Variants in SRPRB observed in about 807,000 individuals in gnomAD.
SRPRB encodes signal recognition particle receptor subunit beta.
A neutral mutation model predicts 31.9 loss-of-function variants in SRPRB; 20 were observed. The observed-to-expected ratio is 0.63, with a 90% CI of 0.44 to 0.91. The LOEUF (loss-of-function observed/expected upper bound fraction) is 0.91. Ranked by LOEUF, SRPRB falls within the 40% of genes least tolerant of loss-of-function variation. SRPRB has a pLI of 0.00. For missense variants in SRPRB, 321 were observed against 324.9 expected, an observed-to-expected ratio of 0.99 and a Z score of 0.09; for synonymous variants, 146 against 132.8, an observed-to-expected ratio of 1.10 and a Z score of -0.68.
intron 3 of SRPRB, chr3:133,810,272 A>AGGATACT (rs1359412875): frequency 3.3e-5 from 5 of 152,376 alleles, no homozygotes; most frequent in African/African-American, 1.2e-4. Context: ...AAATCTGTGC[A>AGGATACT]GGATACTGAT....
At position 133,818,281 on chromosome 3, in the gene SRPRB, G is replaced by A. The variant is rs147428617; in HGVS notation, c.603-1272G>A. On this transcript the variant is annotated intron_variant, in intron 6 of 6. Coordinates refer to ENST00000678299, the MANE Select transcript of SRPRB (RefSeq NM_001379313.1). Reference sequence around the variant, plus strand: ...TTTAACAGTACAGTCCAAGTCTCCCGTGGTTAAAACACATGTTTTCCATAG... The same window carrying A: ...TTTAACAGTACAGTCCAAGTCTCCCATGGTTAAAACACATGTTTTCCATAG... 2.7e-4 allele frequency among the ~76,000 whole-genome samples: 41 copies of A among 152,262 alleles called. No homozygotes were observed. The East Asian group carries it at 5.2e-3, about 19-fold the overall frequency.
chr3:133,796,802 T>C (rs1377026333), intron 1 of SRPRB, among the ~76,000 whole-genome samples: 1 of 152,238 alleles, frequency 6.6e-6, no homozygotes, highest in Non-Finnish European at 1.5e-5. Flanking sequence ...GCACACAGTA[T>C]GTTAAAAGTA....
intron 5 of SRPRB, among the ~76,000 whole-genome samples, chr3:133,816,197 C>G (rs932727118): frequency 6.6e-6 from 1 of 152,170 alleles, no homozygotes; most frequent in Non-Finnish European, 1.5e-5. Context: ...GTTCCGTTAC[C>G]TGTACAATAA....
intron 1 of SRPRB, chr3:133,789,228 C>T (rs538821601): frequency 2.2e-4 from 33 of 152,450 alleles, no homozygotes; most frequent in African/African-American, 7.5e-4. Context: ...CTGTTTGGCC[C>T]CAATATGGTT....
intron 6 of SRPRB, 57 bp from the exon 7 acceptor site, chr3:133,819,496 T>C (rs1399845771): frequency 6.6e-6 from 10 of 1,504,000 alleles, no homozygotes; most frequent in East Asian, 2.3e-5. Context: ...GAAACTAATA[T>C]GATTTAATTG....
At chr3:133,813,899 C>T (rs1391250489) in intron 4 of SRPRB, among the ~76,000 whole-genome samples, 1 of 152,184 alleles carries the variant, frequency 6.6e-6, no homozygotes, top group Non-Finnish European at 1.5e-5. Flanking sequence ...AAGCCTTTCC[C>T]CTTGGGGGTC....
downstream of SRPRB, chr3:133,827,834 G>C: frequency 3.6e-6 from 2 of 561,034 alleles, no homozygotes; most frequent in Non-Finnish European, 6.6e-6. Flanking sequence ...CTTCAGGATG[G>C]CACACTGCCC....
intron 3 of SRPRB, among the ~76,000 whole-genome samples, chr3:133,808,236 T>C (rs1935197676): frequency 6.6e-6 from 1 of 152,224 alleles, no homozygotes; most frequent in East Asian, 1.9e-4. Context: ...CCTAGTTTTC[T>C]CCTCAGAAGC....
chr3:133,806,483 T>C lies in SRPRB; in HGVS notation c.155-126T>C, dbSNP rs1310825270. 7.1e-6 allele frequency: 5 copies of C among 701,422 alleles called. No individual in the cohort carries two copies. In the East Asian group the frequency reaches 1.0e-4, roughly 15 times the overall value. The allele number at this position is 701,422 out of a possible 1,614,324, so 43.4% of individuals were successfully genotyped here. A position where few individuals can be genotyped will look rare whatever the true frequency, so the allele number is the denominator to read the frequency against. ...ACAACAGCAATAGTAACCATTATGA[T>C]AAAAGTCAGTTCCAGGTGAATGAGG... On this transcript the variant is annotated intron_variant, in intron 1 of 6. Coordinates refer to ENST00000678299, the MANE Select transcript of SRPRB (RefSeq NM_001379313.1).
In SRPRB at chr3:133,819,847, G is replaced by A. The variant is rs1667831757; in HGVS notation, c.*81G>A. 6 of 1,258,158 alleles carry A rather than the reference G, an allele frequency of 4.8e-6. No homozygotes were observed. The highest frequency in any genetic ancestry group is 6.8e-6 in the Non-Finnish European group (6 of 881,894). The allele number at this position is 1,258,158 out of a possible 1,614,324, so 77.9% of individuals were successfully genotyped here. ...TCTGTGGTAGTCTGGAGTTGATGAGGAAGGGGTACAAGATGTGGTTAGAAA... is the reference window on the plus strand; with the variant it reads ...TCTGTGGTAGTCTGGAGTTGATGAGAAAGGGGTACAAGATGTGGTTAGAAA... On this transcript the variant is annotated 3_prime_UTR_variant, in exon 7 of 7. Transcript: ENST00000678299.
At chr3:133,794,227 G>A (rs557569517) in intron 1 of SRPRB, 6 of 152,206 alleles carry the variant, frequency 3.9e-5, no homozygotes, top group South Asian at 2.1e-4. Context: ...TACATGACTC[G>A]TCACGGAAAA....
chr3:133,810,297 C>G (rs1935236560), intron 3 of SRPRB: 1 of 152,258 alleles, frequency 6.6e-6, no homozygotes, highest in Admixed American at 6.5e-5. Flanking sequence ...TGCTTCTGAA[C>G]TGTGGGTATG....
chr3:133,819,958 G>A lies in SRPRB; in HGVS notation c.*192G>A. ...TTTTTTAAGTTCAGTTCTCCCTTAT[G>A]GCTGCCTTTCAAACAAGTACCTTTT... On this transcript the variant is annotated 3_prime_UTR_variant, in exon 7 of 7. Transcript: ENST00000678299. The A allele has an allele frequency of 3.5e-6, 2 of 569,462 alleles. No individual in the cohort carries two copies. The highest frequency in any genetic ancestry group is 6.2e-6 in the Non-Finnish European group (2 of 323,076). The allele number at this position is 569,462 out of a possible 1,614,324, so 35.3% of individuals were successfully genotyped here.
intron 2 of SRPRB, 118 bp from the exon 3 acceptor site, chr3:133,807,628 A>C: frequency 1.5e-6 from 1 of 689,378 alleles, no homozygotes; most frequent in Non-Finnish European, 2.5e-6. Context: ...CGTCTTTTTC[A>C]CCTGTCGGAA....
At chr3:133,808,425 G>C (rs1935200927) in intron 3 of SRPRB, among the ~76,000 whole-genome samples, 1 of 151,872 alleles carries the variant, frequency 6.6e-6, no homozygotes, top group African/African-American at 2.4e-5. Flanking sequence ...GTACCATCTG[G>C]TTGGTTTATG....
At chr3:133,795,616 C>T (rs1227800498) in intron 1 of SRPRB, 2 of 140,954 alleles carry the variant, frequency 1.4e-5, no homozygotes, top group African/African-American at 2.6e-5. Context: ...CACTCTGTCA[C>T]CCGGGCTGGA....
chr3:133,805,738 G>A, upstream of SRPRB: 1 of 1,413,050 alleles, frequency 7.1e-7, no homozygotes, highest in South Asian at 1.5e-5. Context: ...CGCGGCTGAG[G>A]GAGAGACTAT....
chr3:133,819,113 A>G (rs759126569), intron 6 of SRPRB, among the ~76,000 whole-genome samples: 4 of 152,180 alleles, frequency 2.6e-5, no homozygotes, highest in Non-Finnish European at 5.9e-5. Flanking sequence ...GAGAATCTGG[A>G]GTTGGTGGAT....
intron 1 of SRPRB, among the ~76,000 whole-genome samples, chr3:133,800,627 G>A (rs979969515): frequency 3.9e-5 from 6 of 152,238 alleles, no homozygotes; most frequent in South Asian, 4.1e-4. Flanking sequence ...CTATTCAGAT[G>A]TAATTATTCT....
Sources: allele counts gnomAD v4.1 joint callset (sites outside exome capture counted in the v4.1 genomes callset), GRCh38; gene constraint gnomAD v4.1.1; transcripts MANE v1.5; gene names NCBI Gene and HGNC (gene_info 2026-07-23, HGNC 2026-07-21).